INSC: variants seen among roughly 807,000 people sequenced by gnomAD.
The protein encoded by INSC is INSC spindle orientation adaptor protein, also known as protein inscuteable homolog.
A neutral mutation model predicts 58.6 loss-of-function variants in INSC; 67 were observed. That is an observed-to-expected ratio of 1.14 (90% CI 0.94 to 1.40). The LOEUF is 1.40. Among genes scored for constraint, INSC ranks in the 40% most tolerant of loss-of-function variants. The pLI is 0.00. For missense variants in INSC, 714 were observed against 692.0 expected (o/e 1.03, Z -0.36); for synonymous variants, 262 against 276.1 (o/e 0.95, Z 0.51).
chr11:15,224,077 A>G (rs1851543896), intron 8 of INSC, among the ~76,000 whole-genome samples: 1 of 152,242 alleles, frequency 6.6e-6, no homozygotes. Context: ...ACTGGCCATA[A>G]GACCAGGAGC....
In INSC at chr11:15,200,816, C is replaced by A. The variant is rs761312873; in HGVS notation, c.694-8C>A. 1.9e-6 allele frequency: 3 copies of A among 1,614,004 alleles called. No individual in the cohort carries two copies. Among genetic ancestry groups the A allele is most frequent in the Non-Finnish European group, 2.5e-6 (3 of 1,179,978 alleles). ...GTAAGATGATGTGACATTTCTTTCT[C>A]TTGGCAGGAGGGTGGGGTCGTAGCA... On this transcript the variant is annotated splice_polypyrimidine_tract_variant and splice_region_variant and intron_variant, in intron 6 of 12. Transcript: ENST00000379556.
At chr11:15,203,048 C>T (rs1226432257) in intron 7 of INSC, among the ~76,000 whole-genome samples, 3 of 152,190 alleles carry the variant, frequency 2.0e-5, no homozygotes, top group Non-Finnish European at 2.9e-5. Flanking sequence ...TGCACCAGAA[C>T]CTTGTGAGGT....
intron 5 of INSC, among the ~76,000 whole-genome samples, chr11:15,189,204 G>A (rs1295924624): frequency 1.3e-5 from 2 of 152,138 alleles, no homozygotes; most frequent in African/African-American, 2.4e-5. Flanking sequence ...GGAAACCAAA[G>A]TGTGGGGAGC....
At chr11:15,207,523 C>G (rs1850852318) in intron 7 of INSC, among the ~76,000 whole-genome samples, 1 of 152,104 alleles carries the variant, frequency 6.6e-6, no homozygotes, top group African/African-American at 2.4e-5. Flanking sequence ...CCTGGGGCAG[C>G]TTCTTGGAAT....
the INSC span, among the ~76,000 whole-genome samples, chr11:15,261,129 G>T: frequency 6.6e-6 from 1 of 152,302 alleles, no homozygotes; most frequent in South Asian, 2.1e-4. Context: ...TGAGAACTTG[G>T]CTTGTGGAGC....
intron 10 of INSC, among the ~76,000 whole-genome samples, 176 bp from the exon 11 acceptor site, chr11:15,238,743 C>A (rs1402085956): frequency 1.3e-5 from 2 of 152,170 alleles, no homozygotes; most frequent in Non-Finnish European, 2.9e-5. Context: ...CATGGAGACA[C>A]CCTCAGGAGA....
At chr11:15,136,550 A>G (rs1312336431) in intron 1 of INSC, among the ~76,000 whole-genome samples, 1 of 152,188 alleles carries the variant, frequency 6.6e-6, no homozygotes, top group East Asian at 1.9e-4. Context: ...CCACTGCTTT[A>G]TTAACTAAAT....
Position 15,191,172 on chromosome 11 carries a change from G to T in INSC, c.693+358G>T, listed in dbSNP as rs111786061. 2.5e-3 allele frequency among the ~76,000 whole-genome samples: 380 copies of T among 152,132 alleles called. 1 individual carries two copies. Among genetic ancestry groups the T allele is most frequent in the African/African-American group, 8.7e-3 (362 of 41,496 alleles). ...ATTTTTGTATTTTTAGTAGAGACGGGGTTTCACCGTGTTAGCCAGGATGGT... is the reference window on the plus strand; with the variant it reads ...ATTTTTGTATTTTTAGTAGAGACGGTGTTTCACCGTGTTAGCCAGGATGGT... On this transcript the variant is annotated intron_variant, in intron 6 of 12. Transcript: ENST00000379556.
At chr11:15,229,201 G>T (rs903304196) in intron 9 of INSC, among the ~76,000 whole-genome samples, 1 of 152,046 alleles carries the variant, frequency 6.6e-6, no homozygotes, top group Admixed American at 6.6e-5. Flanking sequence ...TGGCCTTCAG[G>T]AATTAACTGC....
rs375386266 is a variant in INSC, at chr11:15,147,613, C to T, written c.-45-1517C>T. The stretch of plus-strand genomic sequence containing the variant: ...TTATCCCTCTTATTCTTTCAACAGA[C>T]GTGTAGAGTGCAGGCTATGTGCCTG... On this transcript the variant is annotated intron_variant, in intron 1 of 12. Transcript: ENST00000379556. 9.2e-5 allele frequency among the ~76,000 whole-genome samples: 14 copies of T among 152,322 alleles called. No homozygotes were observed. In the East Asian group the frequency reaches 1.7e-3, roughly 19 times the overall value.
downstream of INSC, among the ~76,000 whole-genome samples, chr11:15,250,139 A>G (rs1852634890): frequency 6.6e-6 from 1 of 152,182 alleles, no homozygotes; most frequent in African/African-American, 2.4e-5. Context: ...GTACACCCAG[A>G]TTCTTTAGGA....
Position 15,138,700 on chromosome 11 carries a change from A to G in INSC, c.-45-10430A>G, listed in dbSNP as rs191525771. 2.9e-4 allele frequency among the ~76,000 whole-genome samples: 44 copies of G among 152,348 alleles called. No individual in the cohort carries two copies. In the East Asian group the frequency reaches 7.9e-3, roughly 27 times the overall value. On this transcript the variant is annotated intron_variant, in intron 1 of 12. Coordinates refer to ENST00000379556, the MANE Select transcript of INSC (RefSeq NM_001042536.3). ...AACTTCTTATGGAGTACCATTAACT[A>G]GCCTGCTGGGTCAAAGTAGCTTCTG...
chr11:15,220,554 GAATACCAATCCAACTGCTTTTAA>G (rs1429379039), intron 7 of INSC, among the ~76,000 whole-genome samples: 1 of 152,192 alleles, frequency 6.6e-6, no homozygotes, highest in Non-Finnish European at 1.5e-5. Context: ...ATTTGAGTTT[GAATACCAATCCAACTGCTTTTAA>G]AGTTCTTGAT....
At chr11:15,223,689 G>C (rs546118527) in intron 8 of INSC, among the ~76,000 whole-genome samples, 30 of 152,298 alleles carry the variant, frequency 2.0e-4, no homozygotes, top group African/African-American at 6.5e-4. Context: ...GAGCTCTGCA[G>C]ACTCACCCAA....
intron 9 of INSC, among the ~76,000 whole-genome samples, chr11:15,229,987 ATATATATATAT>A (rs1851829967): frequency 6.3e-5 from 2 of 31,892 alleles, no homozygotes; most frequent in Non-Finnish European, 1.0e-4. Context: ...TATTATATAT[ATATATATATAT>A]ATATATATAT....
intron 2 of INSC, among the ~76,000 whole-genome samples, chr11:15,173,578 G>A (rs1401501181): frequency 6.6e-6 from 1 of 151,856 alleles, no homozygotes; most frequent in Non-Finnish European, 1.5e-5. Flanking sequence ...TGGATTTAAT[G>A]GGTTTCTCTC....
intron 2 of INSC, among the ~76,000 whole-genome samples, chr11:15,157,838 G>T (rs899388051): frequency 6.6e-6 from 1 of 152,140 alleles, no homozygotes; most frequent in Non-Finnish European, 1.5e-5. Flanking sequence ...GAAAGCTGGG[G>T]CCCCCTTCGA....
chr11:15,269,013 T>G, the INSC span, among the ~76,000 whole-genome samples: 1 of 152,044 alleles, frequency 6.6e-6, no homozygotes, highest in African/African-American at 2.4e-5. Flanking sequence ...ATTCTGCAAT[T>G]TTTACATTTT....
intron 9 of INSC, among the ~76,000 whole-genome samples, chr11:15,232,665 G>T (rs1268069071): frequency 6.6e-6 from 1 of 152,146 alleles, no homozygotes; most frequent in South Asian, 2.1e-4. Context: ...TTCTAGATGC[G>T]ATTGAGTTAA....
Sources: allele counts gnomAD v4.1 joint callset (sites outside exome capture counted in the v4.1 genomes callset), GRCh38; gene constraint gnomAD v4.1.1; transcripts MANE v1.5; gene names NCBI Gene and HGNC (gene_info 2026-07-23, HGNC 2026-07-21).